The following XPO4 variants were observed in gnomAD, a reference collection of about 807,000 sequenced individuals.
XPO4 encodes the protein exportin 4.
In XPO4, 39 loss-of-function variants were observed where a neutral mutation model predicts 143.0. The observed-to-expected ratio is 0.27, with a 90% CI of 0.21 to 0.36. The LOEUF (loss-of-function observed/expected upper bound fraction) is 0.36. Ranked by LOEUF, XPO4 falls within the 10% of genes least tolerant of loss-of-function variation. XPO4 has a pLI of 1.00. For synonymous variants in XPO4, 439 were observed against 474.0 expected (o/e 0.93, Z 0.96); for missense variants, 907 against 1,348.0 (o/e 0.67, Z 5.12).
chr13:20,901,021 A>T (rs968027514), intron 1 of XPO4, among the ~76,000 whole-genome samples: 26 of 152,224 alleles, frequency 1.7e-4, no homozygotes, highest in Non-Finnish European at 5.9e-5. Flanking sequence ...GATGGGGTAG[A>T]GTGGAAAGAC....
chr13:20,824,722 A>G (rs2585896), intron 7 of XPO4, among the ~76,000 whole-genome samples: 44,410 of 151,990 alleles, frequency 0.29, 8,188 homozygotes, highest in East Asian at 0.8. Flanking sequence ...CTGAATATGG[A>G]AAAGGGACAG....
At chr13:20,898,317 C>T (rs139283704) in intron 1 of XPO4, among the ~76,000 whole-genome samples, 3,209 of 152,298 alleles carry the variant, frequency 0.021, 89 homozygotes, top group Middle Eastern at 0.075. Context: ...TTAATCCCAG[C>T]ACTTTGGGAG....
At chr13:20,844,467 A>G (rs1260874525) in intron 4 of XPO4, among the ~76,000 whole-genome samples, 1 of 152,256 alleles carries the variant, frequency 6.6e-6, no homozygotes, top group Admixed American at 6.5e-5. Context: ...GGCTCCTAAT[A>G]TCAACTCATT....
At chr13:20,879,639 C>A (rs1301587590) in intron 1 of XPO4, among the ~76,000 whole-genome samples, 2 of 151,996 alleles carry the variant, frequency 1.3e-5, no homozygotes, top group Non-Finnish European at 2.9e-5. Flanking sequence ...AAGAATCAGA[C>A]AAACGAAACT....
Position 20,778,259 on chromosome 13 carries a change from T to C in XPO4, c.*5463A>G, listed in dbSNP as rs988093361. On this transcript the variant is annotated 3_prime_UTR_variant, in exon 23 of 23. Coordinates refer to ENST00000255305, the MANE Select transcript of XPO4 (RefSeq NM_022459.5). ...AACAAAAATTCAAAATACACTCTAA[T>C]TGGTTTTCTTAAACAACTTTTCTTT... The C allele has an allele frequency of 1.3e-5, 2 of 152,222 alleles. No individual in the cohort carries two copies. The highest frequency in any genetic ancestry group is 4.8e-5 in the African/African-American group (2 of 41,468). The allele number at this position is 152,222 out of a possible 1,614,324, so 9.4% of individuals were successfully genotyped here. A position where few individuals can be genotyped will look rare whatever the true frequency, so the allele number is the denominator to read the frequency against.
rs570041064 is a variant in XPO4, at chr13:20,877,621, T to C, written c.70-8920A>G. 2.0e-5 allele frequency among the ~76,000 whole-genome samples: 3 copies of C among 152,332 alleles called. No individual in the cohort carries two copies. In the South Asian group the frequency reaches 6.2e-4, roughly 32 times the overall value. On this transcript the variant is annotated intron_variant, in intron 1 of 22. Transcript: ENST00000255305. The stretch of plus-strand genomic sequence containing the variant: ...TCCTACAGCCACTAAACCATTCATA[T>C]ACATATATATCTATCTATCTCCATA...
chr13:20,788,437 A>T, intron 20 of XPO4, 49 bp downstream of exon 20: 1 of 1,568,430 alleles, frequency 6.4e-7, no homozygotes, highest in Non-Finnish European at 8.6e-7. Context: ...TTAAAGGAAG[A>T]TCTTTTTCCC....
In XPO4 at chr13:20,783,371, T is replaced by A; in HGVS notation, c.*351A>T. 3.9e-6 allele frequency: 1 copy of A among 257,786 alleles called. No individual in the cohort carries two copies. Among genetic ancestry groups the A allele is most frequent in the South Asian group, 5.6e-5 (1 of 17,746 alleles). 16.0% of individuals were successfully genotyped at this position (257,786 alleles called of 1,614,324 possible). ...TCCATTTCATATTTAATGACAAAAA[T>A]TCTAAACTTTGGCTAGCCACCTATG... On this transcript the variant is annotated 3_prime_UTR_variant, in exon 23 of 23. Coordinates refer to ENST00000255305, the MANE Select transcript of XPO4 (RefSeq NM_022459.5).
intron 18 of XPO4, among the ~76,000 whole-genome samples, chr13:20,795,015 A>G (rs1455651615): frequency 2.0e-5 from 3 of 151,936 alleles, no homozygotes; most frequent in African/African-American, 7.2e-5. Flanking sequence ...TTTAAAAAAA[A>G]AAAAAAAAGA....
chr13:20,887,785 C>T (rs2060474582), intron 1 of XPO4, among the ~76,000 whole-genome samples: 1 of 151,626 alleles, frequency 6.6e-6, no homozygotes, highest in African/African-American at 2.4e-5. Flanking sequence ...CACTCGAATT[C>T]GGGAGGTGGA....
chr13:20,855,118 C>T (rs559385460), intron 4 of XPO4, among the ~76,000 whole-genome samples: 6 of 151,766 alleles, frequency 4.0e-5, no homozygotes, highest in South Asian at 2.1e-4. Flanking sequence ...CAGAATCAAA[C>T]GAAAAAGCAA....
At chr13:20,883,724 G>T (rs1270945006) in intron 1 of XPO4, among the ~76,000 whole-genome samples, 1 of 152,124 alleles carries the variant, frequency 6.6e-6, no homozygotes, top group African/African-American at 2.4e-5. Context: ...CCAAATTAAT[G>T]ATCTTGAATG....
chr13:20,874,572 TTCTC>T (rs1256342143), intron 1 of XPO4, among the ~76,000 whole-genome samples: 3 of 152,116 alleles, frequency 2.0e-5, no homozygotes, highest in Non-Finnish European at 4.4e-5. Context: ...CTATTTCTCT[TTCTC>T]TCTCTCTTTC....
intron 18 of XPO4, among the ~76,000 whole-genome samples, chr13:20,791,662 G>A (rs1221894134): frequency 1.3e-5 from 2 of 152,146 alleles, no homozygotes; most frequent in South Asian, 2.1e-4. Context: ...TTTAGAGCAC[G>A]ATCACAAAGA....
intron 1 of XPO4, among the ~76,000 whole-genome samples, chr13:20,896,668 A>G (rs1229229020): frequency 6.6e-6 from 1 of 152,190 alleles, no homozygotes; most frequent in Admixed American, 6.5e-5. Context: ...TATCACCTGC[A>G]AATAATCATT....
intron 4 of XPO4, chr13:20,850,698 G>T: frequency 1.5e-6 from 1 of 688,262 alleles, no homozygotes; most frequent in Non-Finnish European, 1.8e-6. Flanking sequence ...CCAGGTGATC[G>T]AGGCAGCAGT....
At chr13:20,800,029 A>C in intron 15 of XPO4, 127 bp downstream of exon 15, 1 of 1,074,130 alleles carries the variant, frequency 9.3e-7, no homozygotes. Context: ...TACTCCAAAA[A>C]TGTAGGCTCT....
intron 1 of XPO4, among the ~76,000 whole-genome samples, chr13:20,884,493 T>C (rs1244229292): frequency 6.6e-6 from 1 of 152,158 alleles, no homozygotes; most frequent in African/African-American, 2.4e-5. Flanking sequence ...CACTGCAGCA[T>C]CAACCTCCCA....
intron 1 of XPO4, among the ~76,000 whole-genome samples, chr13:20,899,404 G>A (rs1320511883): frequency 6.6e-6 from 1 of 151,764 alleles, no homozygotes; most frequent in Non-Finnish European, 1.5e-5. Flanking sequence ...TCTCAGCCTG[G>A]ATCAGTTATA....
Sources: allele counts gnomAD v4.1 joint callset (sites outside exome capture counted in the v4.1 genomes callset), GRCh38; gene constraint gnomAD v4.1.1; transcripts MANE v1.5; gene names NCBI Gene and HGNC (gene_info 2026-07-23, HGNC 2026-07-21).